TBC1D22A: variants seen among roughly 807,000 people sequenced by gnomAD.
The protein encoded by TBC1D22A is TBC1 domain family member 22A.
Under a neutral mutation model 60.2 loss-of-function variants are expected in TBC1D22A, and 38 were observed. The ratio of observed to expected loss-of-function variants is 0.63; its 90% CI spans 0.49 to 0.83. TBC1D22A has a LOEUF of 0.83. Ranked by LOEUF, TBC1D22A falls within the 40% of genes least tolerant of loss-of-function variation. The pLI is 0.00. For missense variants in TBC1D22A, 628 were observed against 701.0 expected, an observed-to-expected ratio of 0.90 and a Z score of 1.18; for synonymous variants, 302 against 281.7, an observed-to-expected ratio of 1.07 and a Z score of -0.72.
chr22:46,972,395 A>G (rs1201242777), intron 8 of TBC1D22A, among the ~76,000 whole-genome samples: 1 of 152,160 alleles, frequency 6.6e-6, no homozygotes, highest in East Asian at 1.9e-4. Flanking sequence ...GAGACAGCCC[A>G]GGGTCTACCA....
At chr22:47,019,686 G>A (rs2062016506) in intron 10 of TBC1D22A, among the ~76,000 whole-genome samples, 1 of 151,928 alleles carries the variant, frequency 6.6e-6, no homozygotes, top group Non-Finnish European at 1.5e-5. Context: ...GGGTGTGCAG[G>A]GAAGGACGTG....
At chr22:47,020,125 A>G (rs7289397) in intron 10 of TBC1D22A, among the ~76,000 whole-genome samples, 3,911 of 152,258 alleles carry the variant, frequency 0.026, 139 homozygotes, top group African/African-American at 0.08. Context: ...CTTTGGGCCT[A>G]GGGATGGAAA....
chr22:46,802,157 A>G (rs1276013763), intron 4 of TBC1D22A, among the ~76,000 whole-genome samples: 1 of 152,216 alleles, frequency 6.6e-6, no homozygotes, highest in East Asian at 1.9e-4. Context: ...GAATTTATGT[A>G]GAGTCACTCA....
chr22:47,026,516 A>G (rs565194191), intron 10 of TBC1D22A, among the ~76,000 whole-genome samples: 1 of 152,356 alleles, frequency 6.6e-6, no homozygotes, highest in Non-Finnish European at 1.5e-5. Flanking sequence ...GTCTGATGGC[A>G]TTTACAAAAA....
chr22:47,046,820 C>T (rs1328004562), intron 11 of TBC1D22A, among the ~76,000 whole-genome samples: 1 of 152,166 alleles, frequency 6.6e-6, no homozygotes, highest in African/African-American at 2.4e-5. Flanking sequence ...CCCTGGATCC[C>T]CCCAGATGCC....
chr22:46,951,512 G>C (rs927885932), intron 8 of TBC1D22A, among the ~76,000 whole-genome samples: 25 of 152,208 alleles, frequency 1.6e-4, no homozygotes, highest in African/African-American at 6.0e-4. Context: ...TGCTAAGAGA[G>C]TGATGGGACA....
At chr22:46,888,043 T>C (rs1322648923) in intron 5 of TBC1D22A, among the ~76,000 whole-genome samples, 1 of 152,200 alleles carries the variant, frequency 6.6e-6, no homozygotes, top group Non-Finnish European at 1.5e-5. Context: ...CTTTTCTCAG[T>C]GGACCTGTAG....
chr22:47,160,682 G>A (rs940737590), intron 12 of TBC1D22A, among the ~76,000 whole-genome samples: 4 of 152,220 alleles, frequency 2.6e-5, no homozygotes, highest in Non-Finnish European at 5.9e-5. Context: ...TTGAATCTTT[G>A]AATCATTTGC....
At chr22:47,165,048 C>T (rs1471210391) in intron 12 of TBC1D22A, among the ~76,000 whole-genome samples, 1 of 152,162 alleles carries the variant, frequency 6.6e-6, no homozygotes, top group Non-Finnish European at 1.5e-5. Context: ...CTCACTCCAG[C>T]CTCTCCACAG....
intron 11 of TBC1D22A, among the ~76,000 whole-genome samples, chr22:47,095,024 C>T (rs2065118024): frequency 6.6e-6 from 1 of 152,208 alleles, no homozygotes; most frequent in South Asian, 2.1e-4. Flanking sequence ...CTCATTTAGG[C>T]TTTAGGATTT....
chr22:47,012,700 CA>C (rs1433391594), intron 10 of TBC1D22A, among the ~76,000 whole-genome samples: 1 of 152,218 alleles, frequency 6.6e-6, no homozygotes, highest in Non-Finnish European at 1.5e-5. Flanking sequence ...GCTTTCATCC[CA>C]CTTTTGGACT....
intron 11 of TBC1D22A, among the ~76,000 whole-genome samples, chr22:47,059,539 T>C (rs1219003814): frequency 6.6e-6 from 1 of 152,190 alleles, no homozygotes; most frequent in Non-Finnish European, 1.5e-5. Context: ...TGTGAGCAAG[T>C]CTGTGTCTGT....
intron 8 of TBC1D22A, among the ~76,000 whole-genome samples, chr22:46,964,865 C>T (rs1230196062): frequency 2.6e-5 from 4 of 152,192 alleles, no homozygotes; most frequent in African/African-American, 4.8e-5. Flanking sequence ...CAGCCTTTCA[C>T]GTGGGCTCGT....
At chr22:46,995,519 G>A (rs1043735419) in intron 9 of TBC1D22A, among the ~76,000 whole-genome samples, 2 of 152,028 alleles carry the variant, frequency 1.3e-5, no homozygotes, top group African/African-American at 4.8e-5. Context: ...CACTTTGTGT[G>A]TGTGTGTGTG....
intron 8 of TBC1D22A, among the ~76,000 whole-genome samples, chr22:46,964,894 CACA>C (rs1602697977): frequency 6.6e-6 from 1 of 152,218 alleles, no homozygotes; most frequent in African/African-American, 2.4e-5. Context: ...CGACAGGGGC[CACA>C]GCCACGCTGG....
rs531195795 is a variant in TBC1D22A, at chr22:47,042,563, C to T, written c.1329+5365C>T. ...TTCCTCCTGCACCCTGTGGGTCTGG[C>T]AGTCTGGCAGTGCCATTTCTGAGAT... On this transcript the variant is annotated intron_variant, in intron 11 of 12. Coordinates refer to ENST00000337137, the MANE Select transcript of TBC1D22A (RefSeq NM_014346.5). Among the ~76,000 whole-genome samples the T allele has an allele frequency of 2.0e-5, 3 of 152,372 alleles. No homozygotes were observed. The South Asian group carries it at 6.2e-4, about 32-fold the overall frequency.
At chr22:47,161,138 G>C (rs1273615778) in intron 12 of TBC1D22A, among the ~76,000 whole-genome samples, 1 of 152,236 alleles carries the variant, frequency 6.6e-6, no homozygotes, top group African/African-American at 2.4e-5. Context: ...AGCACTGCCA[G>C]GAGAAACCTC....
intron 12 of TBC1D22A, among the ~76,000 whole-genome samples, chr22:47,121,612 A>C (rs2066273226): frequency 6.6e-6 from 1 of 152,194 alleles, no homozygotes; most frequent in South Asian, 2.1e-4. Context: ...CTTCTATTCC[A>C]CGCGTGGACA....
At chr22:46,910,089 C>T (rs1293268721) in intron 7 of TBC1D22A, among the ~76,000 whole-genome samples, 1 of 152,226 alleles carries the variant, frequency 6.6e-6, no homozygotes, top group East Asian at 1.9e-4. Flanking sequence ...ATATTCAGTT[C>T]TCTCTAGAAA....
Sources: gnomAD v4.1 joint callset for allele counts (sites outside exome capture counted in the v4.1 genomes callset) on GRCh38, gnomAD v4.1.1 for gene constraint, MANE v1.5 for transcripts, NCBI Gene and HGNC (gene_info 2026-07-23, HGNC 2026-07-21) for gene names.